The following ZC2HC1B variants were observed in gnomAD, a reference collection of about 807,000 sequenced individuals.
ZC2HC1B encodes zinc finger C2HC domain-containing protein 1B.
In ZC2HC1B, 36 loss-of-function variants were observed where a neutral mutation model predicts 31.0. That is an observed-to-expected ratio of 1.16 (90% CI 0.89 to 1.54). The LOEUF (loss-of-function observed/expected upper bound fraction) is 1.54. Among genes scored for constraint, ZC2HC1B ranks in the 40% most tolerant of loss-of-function variants. The pLI is 0.00. For synonymous variants in ZC2HC1B, 73 were observed against 88.0 expected (o/e 0.83, Z 0.95); for missense variants, 260 against 268.6 (o/e 0.97, Z 0.22).
intron 6 of ZC2HC1B, among the ~76,000 whole-genome samples, chr6:143,909,403 G>C (rs887488436): frequency 6.7e-6 from 1 of 148,732 alleles, no homozygotes; most frequent in African/African-American, 2.5e-5. Flanking sequence ...TCTCAAAAAA[G>C]AAAAAAAAAT....
rs1026544962 is a variant in ZC2HC1B, at chr6:143,884,345, C to T, written c.70C>T (p.Arg24Cys). The T allele has an allele frequency of 1.5e-5, 23 of 1,533,294 alleles. No homozygotes were observed. Among genetic ancestry groups the T allele is most frequent in the Middle Eastern group, 3.4e-4 (2 of 5,940 alleles). The allele number at this position is 1,533,294 out of a possible 1,614,324, so 95.0% of individuals were successfully genotyped here. ...ELFPCEVCGR[R>C]FAADVLERHG... is the part of the protein sequence containing the mutation. ...GTTTCCCTGTGAAGTCTGTGGAAGA[C>T]GTTTTGCAGCAGATGTTCTGGTAAA... Residue 24 changes from arginine to cysteine, a missense_variant, in exon 2 of 8, where the codon CGT becomes TGT. Arg to Cys is a radical substitution (Grantham distance 180). Coordinates refer to ENST00000237275, the MANE Select transcript of ZC2HC1B (RefSeq NM_001013623.3). The surrounding 1 kb of genome is among the most constrained non-coding windows in gnomAD (Gnocchi z 5.1).
chr6:143,892,096 G>T (rs1164304614), intron 4 of ZC2HC1B, among the ~76,000 whole-genome samples: 5 of 152,098 alleles, frequency 3.3e-5, no homozygotes, highest in Non-Finnish European at 7.4e-5. Context: ...AATACCTGAG[G>T]CTGGGTAATT....
Position 143,923,829 on chromosome 6 carries a change from C to T in ZC2HC1B, c.599-13820C>T, listed in dbSNP as rs1778007267. ...TATGTGTCTGTTTTTATACCAATAT[C>T]TTGCTGTTTTAGTTACTACAGCTTT... On this transcript the variant is annotated intron_variant, in intron 6 of 7. Transcript: ENST00000237275. This position sits in a 1 kb window ranked among gnomAD's most constrained non-coding sequence, Gnocchi z 4.8. 6.6e-6 allele frequency among the ~76,000 whole-genome samples: 1 copy of T among 151,916 alleles called. No individual in the cohort carries two copies. Among genetic ancestry groups the T allele is most frequent in the Non-Finnish European group, 1.5e-5 (1 of 67,966 alleles).
At chr6:143,879,792 T>G (rs559241177) in intron 1 of ZC2HC1B, among the ~76,000 whole-genome samples, 1 of 55,870 alleles carries the variant, frequency 1.8e-5, no homozygotes, top group East Asian at 8.3e-4. Context: ...TTTGTTTTTG[T>G]TTTTTTTTTT....
chr6:143,931,020 A>AT (rs1472916794), intron 6 of ZC2HC1B, among the ~76,000 whole-genome samples: 1 of 151,886 alleles, frequency 6.6e-6, no homozygotes. Context: ...GGATTGTGGT[A>AT]TTTTCCATTG....
intron 4 of ZC2HC1B, among the ~76,000 whole-genome samples, chr6:143,891,438 C>T (rs116907359): frequency 0.028 from 4,222 of 151,444 alleles, 113 homozygotes; most frequent in Admixed American, 0.075. Flanking sequence ...TGGTGGCTCA[C>T]ACCTATAATC....
intron 4 of ZC2HC1B, among the ~76,000 whole-genome samples, chr6:143,893,643 A>G (rs1158416674): frequency 6.6e-6 from 1 of 152,168 alleles, no homozygotes; most frequent in African/African-American, 2.4e-5. Flanking sequence ...TACACTGCTG[A>G]TAGAAGTATA....
Position 143,886,888 on chromosome 6 carries a change from A to G in ZC2HC1B, c.349+67A>G, listed in dbSNP as rs1395363787. ...TTTTGACCAAATCATCATGCCCTCTATGCACTCTGAAATTGACAATAACAA... is the reference window on the plus strand; with the variant it reads ...TTTTGACCAAATCATCATGCCCTCTGTGCACTCTGAAATTGACAATAACAA... On this transcript the variant is annotated intron_variant, in intron 4 of 7. Transcript: ENST00000237275. The surrounding 1 kb of genome is among the most constrained non-coding windows in gnomAD (Gnocchi z 4.2). 1.5e-6 allele frequency: 2 copies of G among 1,302,832 alleles called. No individual in the cohort carries two copies. Among genetic ancestry groups the G allele is most frequent in the East Asian group, 3.0e-5 (1 of 33,292 alleles). The allele number at this position is 1,302,832 out of a possible 1,614,324, so 80.7% of individuals were successfully genotyped here. A position where few individuals can be genotyped will look rare whatever the true frequency, so the allele number is the denominator to read the frequency against.
intron 4 of ZC2HC1B, among the ~76,000 whole-genome samples, chr6:143,896,233 G>A (rs1777664883): frequency 6.6e-6 from 1 of 152,188 alleles, no homozygotes; most frequent in South Asian, 2.1e-4. Flanking sequence ...CAGGGAAATA[G>A]ACTTCAACTT....
chr6:143,889,221 A>G (rs990847281), intron 4 of ZC2HC1B, among the ~76,000 whole-genome samples: 3 of 152,018 alleles, frequency 2.0e-5, no homozygotes, highest in Non-Finnish European at 2.9e-5. Context: ...AAATATTGCT[A>G]TTTAGCTAAT....
At chr6:143,878,536 T>A (rs1416339545) in intron 1 of ZC2HC1B, among the ~76,000 whole-genome samples, 2 of 150,610 alleles carry the variant, frequency 1.3e-5, no homozygotes, top group Non-Finnish European at 1.5e-5. Context: ...TGTCTAGTGT[T>A]CCTAAGCTCA....
Position 143,885,552 on chromosome 6 carries a change from T to A in ZC2HC1B, c.91-480T>A, listed in dbSNP as rs77707874. 2.6e-5 allele frequency among the ~76,000 whole-genome samples: 4 copies of A among 152,134 alleles called. No homozygotes were observed. Among genetic ancestry groups the A allele is most frequent in the Admixed American group, 2.6e-4 (4 of 15,268 alleles). On this transcript the variant is annotated intron_variant, in intron 2 of 7. Transcript: ENST00000237275. This position sits in a 1 kb window ranked among gnomAD's most constrained non-coding sequence, Gnocchi z 4.2. Reference sequence around the variant, plus strand: ...GCAGTGATTTTTATAGAGCTTGTATTTTGTGGGGTCTGACAAAGCTACTGT... The same window carrying A: ...GCAGTGATTTTTATAGAGCTTGTATATTGTGGGGTCTGACAAAGCTACTGT...
intron 6 of ZC2HC1B, among the ~76,000 whole-genome samples, chr6:143,930,554 A>AT (rs1255479982): frequency 2.0e-5 from 3 of 151,122 alleles, no homozygotes; most frequent in Admixed American, 6.6e-5. Context: ...CGCCCGGCTA[A>AT]TTTTTTTTAT....
In ZC2HC1B at chr6:143,865,820, C is replaced by CT. The variant is rs1331931417; in HGVS notation, c.28+1264dup. On this transcript the variant is annotated intron_variant, in intron 1 of 7. Transcript: ENST00000237275. The surrounding 1 kb of genome is among the most constrained non-coding windows in gnomAD (Gnocchi z 4.4). ...AATCTTGAAGAATTTGTATCTTAAA[C>CT]TTTTTTTTTTTGCCAAGACAGGTCT... Among the ~76,000 whole-genome samples the CT allele has an allele frequency of 4.8e-4, 71 of 148,166 alleles. No individual in the cohort carries two copies. The highest frequency in any genetic ancestry group is 3.5e-3 in the Middle Eastern group (1 of 288).
At chr6:143,909,582 TC>T (rs1358397675) in intron 6 of ZC2HC1B, among the ~76,000 whole-genome samples, 3 of 151,660 alleles carry the variant, frequency 2.0e-5, no homozygotes, top group African/African-American at 7.3e-5. Context: ...TGCCTCAATT[TC>T]AGAACTTGTT....
At chr6:143,876,899 T>C (rs1274969705) in intron 1 of ZC2HC1B, among the ~76,000 whole-genome samples, 1 of 150,322 alleles carries the variant, frequency 6.7e-6, no homozygotes, top group Non-Finnish European at 1.5e-5. Context: ...CCCACTGAGA[T>C]TGAGGGTGGG....
In ZC2HC1B at chr6:143,915,401, C is replaced by T. The variant is rs117531999; in HGVS notation, c.598+12249C>T. ...TGCCCAGCCTTGGGTATGTCTTTTTCGGCAGCATGAAAACAGACGAATACA... is the reference window on the plus strand; with the variant it reads ...TGCCCAGCCTTGGGTATGTCTTTTTTGGCAGCATGAAAACAGACGAATACA... On this transcript the variant is annotated intron_variant, in intron 6 of 7. Transcript: ENST00000237275. This position sits in a 1 kb window ranked among gnomAD's most constrained non-coding sequence, Gnocchi z 5.2. 3.8e-4 allele frequency among the ~76,000 whole-genome samples: 58 copies of T among 152,212 alleles called. 1 individual carries two copies. The East Asian group carries it at 0.01, about 27-fold the overall frequency.
rs1777819790 is a variant in ZC2HC1B, at chr6:143,908,241, A to G, written c.598+5089A>G. Among the ~76,000 whole-genome samples, 1 of 151,946 alleles carries G rather than the reference A, an allele frequency of 6.6e-6. No individual in the cohort carries two copies. On this transcript the variant is annotated intron_variant, in intron 6 of 7. Coordinates refer to ENST00000237275, the MANE Select transcript of ZC2HC1B (RefSeq NM_001013623.3). The surrounding 1 kb of genome is among the most constrained non-coding windows in gnomAD (Gnocchi z 4.4). ...TCCAGCTTTGTTCTTTTTGCTTAGG[A>G]TTGTCTTGACTATTTGGGCTCTGTT...
Position 143,935,646 on chromosome 6 carries a change from C to CTTTTTTTTTTT in ZC2HC1B, c.599-1985_599-1975dup, listed in dbSNP as rs759896830. On this transcript the variant is annotated intron_variant, in intron 6 of 7. Coordinates refer to ENST00000237275, the MANE Select transcript of ZC2HC1B (RefSeq NM_001013623.3). ...GTAGTTTAGGCCACTTGGTATCACTCTTTTTTTTTTTTTTTTTTTTTTTTT... is the reference window on the plus strand; with the variant it reads ...GTAGTTTAGGCCACTTGGTATCACTCTTTTTTTTTTTTTTTTTTTTTTTTTTTTTTTTTTTT... Among the ~76,000 whole-genome samples the CTTTTTTTTTTT allele has an allele frequency of 2.7e-4, 15 of 55,858 alleles. 7 individuals are homozygous for CTTTTTTTTTTT. The highest frequency in any genetic ancestry group is 2.7e-4 in the Non-Finnish European group (8 of 29,262). 36.6% of individuals were successfully genotyped at this position (55,858 alleles called of 152,430 possible).
Sources: allele counts gnomAD v4.1 joint callset (sites outside exome capture counted in the v4.1 genomes callset), GRCh38; gene constraint gnomAD v4.1.1; non-coding constraint Gnocchi (gnomAD v3.1); transcripts MANE v1.5; gene names NCBI Gene and HGNC (gene_info 2026-07-23, HGNC 2026-07-21).